Variants in TRABD2A observed in about 807,000 individuals in gnomAD.
TRABD2A encodes the protein metalloprotease TIKI1.
TRABD2A carries 43 observed loss-of-function variants against 45.6 expected under a neutral mutation model. That is an observed-to-expected ratio of 0.94 (90% CI 0.74 to 1.22). TRABD2A has a LOEUF of 1.22. Ranked by LOEUF, TRABD2A falls within the 50% of genes most tolerant of loss-of-function variation. The probability of loss-of-function intolerance (pLI) is 0.00; values close to 1 mark genes in which losing one functional copy is unlikely to be tolerated. For missense variants in TRABD2A, 642 were observed against 652.4 expected (o/e 0.98, Z 0.17); for synonymous variants, 269 against 265.0 (o/e 1.02, Z -0.15).
chr2:84,841,860 C>T lies in TRABD2A; in HGVS notation c.816+1G>A. On this transcript the variant is annotated splice_donor_variant, in intron 3 of 6. Coordinates refer to ENST00000409520, the MANE Select transcript of TRABD2A (RefSeq NM_001277053.2). LOFTEE classifies it high-confidence loss of function. ...GCTTGGCAGGGGGAAAGGGTGCTCA[C>T]CTGGGAGCTGTCATGGCTGAGGATG... 2 of 1,525,760 alleles carry T rather than the reference C, an allele frequency of 1.3e-6. No individual in the cohort carries two copies. Among genetic ancestry groups the T allele is most frequent in the South Asian group, 1.3e-5 (1 of 79,590 alleles). 94.5% of individuals were successfully genotyped at this position (1,525,760 alleles called of 1,614,324 possible).
intron 5 of TRABD2A, 21 bp downstream of exon 5, chr2:84,832,029 CCAAGA>C (rs1425746350): frequency 3.7e-6 from 6 of 1,613,462 alleles, no homozygotes; most frequent in Non-Finnish European, 5.1e-6. Flanking sequence ...AGCTCCCCAG[CCAAGA>C]TAGAAGCACA....
In TRABD2A at chr2:84,877,293, T is replaced by C. The variant is rs143103172; in HGVS notation, c.108+3639A>G. On this transcript the variant is annotated intron_variant, in intron 1 of 6. Transcript: ENST00000409520. Reference sequence around the variant, plus strand: ...TCCTCAGGGTAGGGCTATTTATCTCTACAAAAAAAAAAAATCCTTCACTAC... The same window carrying C: ...TCCTCAGGGTAGGGCTATTTATCTCCACAAAAAAAAAAAATCCTTCACTAC... Among the ~76,000 whole-genome samples the C allele has an allele frequency of 1.7e-3, 249 of 148,240 alleles. 1 individual carries two copies. Among genetic ancestry groups the C allele is most frequent in the African/African-American group, 5.7e-3 (231 of 40,194 alleles).
intron 2 of TRABD2A, among the ~76,000 whole-genome samples, chr2:84,863,536 G>A (rs1036396654): frequency 4.0e-5 from 6 of 148,764 alleles, no homozygotes; most frequent in African/African-American, 1.5e-4. Flanking sequence ...CTGGCCCCAT[G>A]TGAATCTTAA....
chr2:84,876,893 A>G (rs996795361), intron 1 of TRABD2A, among the ~76,000 whole-genome samples: 7 of 152,188 alleles, frequency 4.6e-5, no homozygotes, highest in African/African-American at 1.7e-4. Context: ...AACACAGCTC[A>G]GGGGCTTTTC....
chr2:84,829,787 C>A (rs970607862), intron 5 of TRABD2A, among the ~76,000 whole-genome samples: 2 of 150,888 alleles, frequency 1.3e-5, no homozygotes, highest in African/African-American at 4.9e-5. Flanking sequence ...ACCACACACA[C>A]CCCACATACC....
At chr2:84,833,526 G>A (rs1385762553) in intron 4 of TRABD2A, 2 of 151,976 alleles carry the variant, frequency 1.3e-5, no homozygotes, top group Admixed American at 6.6e-5. Flanking sequence ...GACAAAAGTC[G>A]CTGCTTGATT....
At chr2:84,827,865 C>G (rs1338767132) in intron 5 of TRABD2A, among the ~76,000 whole-genome samples, 1 of 152,140 alleles carries the variant, frequency 6.6e-6, no homozygotes, top group Non-Finnish European at 1.5e-5. Flanking sequence ...TGGGCAGCCT[C>G]TAGAAGCTGG....
At chr2:84,826,089 C>T (rs559125296) in intron 5 of TRABD2A, among the ~76,000 whole-genome samples, 1 of 152,110 alleles carries the variant, frequency 6.6e-6, no homozygotes, top group African/African-American at 2.4e-5. Context: ...TGCCCATGGC[C>T]GAAACTATGT....
In TRABD2A at chr2:84,841,902, C is replaced by T. The variant is rs201711793; in HGVS notation, c.775G>A (p.Gly259Arg). The change falls in exon 3 of 7, where the codon GGG becomes AGG. Residue 259 changes from glycine (G) to arginine (R), a missense_variant. By Grantham distance (125) the Gly-to-Arg change is moderately radical. Coordinates refer to ENST00000409520, the MANE Select transcript of TRABD2A (RefSeq NM_001277053.2). The part of the protein sequence containing the change: ...TEDLIKHYNC[G>R]DLSSVILSHD... ...CTGAGGATGACGGAGCTGAGGTCCC[C>T]GCAGTTATAGTGTTTGATGAGATCC... 104 of 1,546,810 alleles carry T rather than the reference C, an allele frequency of 6.7e-5. 1 individual carries two copies. The highest frequency in any genetic ancestry group is 3.4e-5 in the Non-Finnish European group (39 of 1,145,878).
At chr2:84,879,662 G>A (rs1683138974) in intron 1 of TRABD2A, 2 of 954,502 alleles carry the variant, frequency 2.1e-6, no homozygotes, top group South Asian at 9.7e-5. Flanking sequence ...GTGAGGAGAT[G>A]GACTCCTGCC....
At chr2:84,846,981 AG>A (rs1681919190) in intron 2 of TRABD2A, among the ~76,000 whole-genome samples, 2 of 152,212 alleles carry the variant, frequency 1.3e-5, no homozygotes, top group South Asian at 4.1e-4. Flanking sequence ...GCCCAGACCT[AG>A]TAGTCCATGC....
chr2:84,822,709 A>G (rs577679585), intron 6 of TRABD2A, among the ~76,000 whole-genome samples: 1 of 152,366 alleles, frequency 6.6e-6, no homozygotes, highest in South Asian at 2.1e-4. Flanking sequence ...AGGATGGTTC[A>G]TGAGTCACCC....
rs72054686 is a variant in TRABD2A at position 84,830,449 on chromosome 2, GAAC to G, written c.1082+1603_1082+1605del. On this transcript the variant is annotated intron_variant, in intron 5 of 6. Transcript: ENST00000409520. This position sits in a 1 kb window ranked among gnomAD's most constrained non-coding sequence, Gnocchi z 4.9. The stretch of plus-strand genomic sequence containing the variant: ...GCGTGAAGACAATGACCTTGAAAAA[GAAC>G]AACATGAAACCACGGAGGGTTTGAA... 0.044 allele frequency among the ~76,000 whole-genome samples: 6,767 copies of G among 152,216 alleles called. 177 individuals carry two copies. The highest frequency in any genetic ancestry group is 0.088 in the Middle Eastern group (26 of 294).
intron 2 of TRABD2A, among the ~76,000 whole-genome samples, chr2:84,843,271 G>C (rs1415801636): frequency 1.3e-5 from 2 of 152,060 alleles, no homozygotes; most frequent in Non-Finnish European, 2.9e-5. Context: ...AGACAGGCTT[G>C]GTCCATCTGT....
rs1299044770 is a variant in TRABD2A at position 84,879,701 on chromosome 2, C to T, written c.108+1231G>A. The T allele has an allele frequency of 5.8e-6, 4 of 693,930 alleles. No individual in the cohort carries two copies. The South Asian group carries it at 2.6e-4, about 45-fold the overall frequency. The allele number at this position is 693,930 out of a possible 1,614,324, so 43.0% of individuals were successfully genotyped here. A position where few individuals can be genotyped will look rare whatever the true frequency, so the allele number is the denominator to read the frequency against. On this transcript the variant is annotated intron_variant, in intron 1 of 6. Coordinates refer to ENST00000409520, the MANE Select transcript of TRABD2A (RefSeq NM_001277053.2). ...TCTAACAAGCATGAAGCGGCCACAC[C>T]GCAACAGAGTTTGAAACCATGCCTG...
chr2:84,839,422 CGTT>C, intron 3 of TRABD2A, 99 bp from the exon 4 acceptor site: 1 of 1,176,310 alleles, frequency 8.5e-7, no homozygotes, highest in Non-Finnish European at 1.2e-6. Context: ...ATGGTCAAGA[CGTT>C]GTCAAGAGAA....
chr2:84,822,667 C>G (rs1408562272), intron 6 of TRABD2A, among the ~76,000 whole-genome samples: 1 of 152,218 alleles, frequency 6.6e-6, no homozygotes, highest in Non-Finnish European at 1.5e-5. Context: ...TGAAAAAGTA[C>G]TAAACAGGTC....
chr2:84,850,390 A>C (rs1682040595), intron 2 of TRABD2A, among the ~76,000 whole-genome samples: 1 of 152,006 alleles, frequency 6.6e-6, no homozygotes, highest in Non-Finnish European at 1.5e-5. Context: ...CCTGTCCTCT[A>C]GGAGGTTGAA....
chr2:84,860,381 CACAG>C (rs1348899284), intron 2 of TRABD2A, among the ~76,000 whole-genome samples: 11 of 152,126 alleles, frequency 7.2e-5, no homozygotes, highest in Non-Finnish European at 1.3e-4. Flanking sequence ...GAGACTAGGT[CACAG>C]ACAGACAGAG....
Sources: gnomAD v4.1 joint callset for allele counts (sites outside exome capture counted in the v4.1 genomes callset) on GRCh38, gnomAD v4.1.1 for gene constraint, Gnocchi (gnomAD v3.1) non-coding constraint, MANE v1.5 for transcripts, NCBI Gene and HGNC (gene_info 2026-07-23, HGNC 2026-07-21) for gene names.